The following NCKAP5 variants were observed in gnomAD, a reference collection of about 807,000 sequenced individuals.
NCKAP5 encodes nck-associated protein 5.
NCKAP5 carries 92 observed loss-of-function variants against 167.0 expected under a neutral mutation model. The ratio of observed to expected loss-of-function variants is 0.55; its 90% confidence interval spans 0.47 to 0.66. NCKAP5 has a LOEUF of 0.66. Among genes scored for constraint, NCKAP5 ranks in the 30% least tolerant of loss-of-function variants. NCKAP5 has a pLI of 0.00. For missense variants in NCKAP5, 2,378 were observed against 2,315.0 expected, an observed-to-expected ratio of 1.03 and a Z score of -0.56; for synonymous variants, 891 against 877.4, an observed-to-expected ratio of 1.02 and a Z score of -0.27.
the NCKAP5 span, among the ~76,000 whole-genome samples, chr2:133,641,933 G>A: frequency 2.0e-5 from 3 of 152,134 alleles, no homozygotes; most frequent in African/African-American, 7.2e-5. Flanking sequence ...TTTATTTCAT[G>A]TTCCTATAGA....
chr2:132,967,449 G>A (rs1041141074), intron 7 of NCKAP5, among the ~76,000 whole-genome samples: 4 of 152,098 alleles, frequency 2.6e-5, no homozygotes, highest in South Asian at 2.1e-4. Context: ...GCATAGGGTC[G>A]GTGTTTGGTG....
intron 3 of NCKAP5, among the ~76,000 whole-genome samples, chr2:133,329,531 G>A (rs1460600960): frequency 6.6e-6 from 1 of 152,116 alleles, no homozygotes; most frequent in Non-Finnish European, 1.5e-5. Flanking sequence ...AAAAGTGGGG[G>A]GTATTGAAAG....
chr2:132,920,775 A>ATATATATG (rs1695343537), intron 8 of NCKAP5, among the ~76,000 whole-genome samples: 3 of 6,240 alleles, frequency 4.8e-4, no homozygotes, highest in East Asian at 0.01. Flanking sequence ...ATGTATGTAT[A>ATATATATG]TATATATATA....
chr2:132,701,091 T>C (rs1214338696), intron 19 of NCKAP5, among the ~76,000 whole-genome samples: 1 of 152,092 alleles, frequency 6.6e-6, no homozygotes, highest in African/African-American at 2.4e-5. Context: ...TATATAAATA[T>C]AATATATACA....
At chr2:132,793,645 TG>T (rs1433317397) in intron 12 of NCKAP5, among the ~76,000 whole-genome samples, 3 of 152,226 alleles carry the variant, frequency 2.0e-5, no homozygotes, top group African/African-American at 7.2e-5. Flanking sequence ...CAGCACGTTG[TG>T]GTACCTCACT....
chr2:132,732,111 A>G (rs185056709), intron 16 of NCKAP5, 60 bp from the exon 17 acceptor site: 2 of 1,450,492 alleles, frequency 1.4e-6, no homozygotes, highest in East Asian at 2.4e-5. Flanking sequence ...AGGATAAAAG[A>G]ATCATGGAAA....
chr2:133,547,229 G>A (rs997669974), intron 2 of NCKAP5, among the ~76,000 whole-genome samples: 2 of 152,150 alleles, frequency 1.3e-5, no homozygotes, highest in Non-Finnish European at 2.9e-5. Context: ...AGGGTCCTAC[G>A]CCCACGGAGT....
intron 6 of NCKAP5, among the ~76,000 whole-genome samples, chr2:133,036,583 A>G (rs2079048425): frequency 6.6e-6 from 1 of 152,094 alleles, no homozygotes; most frequent in African/African-American, 2.4e-5. Flanking sequence ...GATCATTTCA[A>G]TTGATGCTGA....
At chr2:132,820,413 A>G (rs532700040) in intron 11 of NCKAP5, among the ~76,000 whole-genome samples, 33 of 152,078 alleles carry the variant, frequency 2.2e-4, no homozygotes, top group South Asian at 1.9e-3. Flanking sequence ...TATTTTTAGT[A>G]GAGACGGGGT....
intron 6 of NCKAP5, among the ~76,000 whole-genome samples, chr2:133,028,453 A>G (rs1468712493): frequency 6.6e-6 from 1 of 152,100 alleles, no homozygotes. Flanking sequence ...CTTGTATGCC[A>G]CTGTTATTGC....
chr2:132,940,595 T>C (rs1376388571), intron 8 of NCKAP5, among the ~76,000 whole-genome samples: 1 of 152,124 alleles, frequency 6.6e-6, no homozygotes, highest in Non-Finnish European at 1.5e-5. Flanking sequence ...GGTAGTAAAA[T>C]GACTTATGAT....
chr2:132,768,267 C>T (rs1681694952), intron 16 of NCKAP5, among the ~76,000 whole-genome samples: 1 of 152,180 alleles, frequency 6.6e-6, no homozygotes, highest in East Asian at 1.9e-4. Context: ...CCTCGAAGGA[C>T]ATTTTCTCCT....
At chr2:132,750,826 T>C (rs1169464010) in intron 16 of NCKAP5, among the ~76,000 whole-genome samples, 1 of 152,126 alleles carries the variant, frequency 6.6e-6, no homozygotes, top group Non-Finnish European at 1.5e-5. Context: ...CTCAAGCAAG[T>C]CACAGGACAC....
chr2:133,633,196 A>G, the NCKAP5 span, among the ~76,000 whole-genome samples: 1 of 152,212 alleles, frequency 6.6e-6, no homozygotes, highest in African/African-American at 2.4e-5. Flanking sequence ...AACTCTGCCT[A>G]CTTTGCAGCC....
At chr2:132,684,864 C>A (rs1316652548) in intron 19 of NCKAP5, among the ~76,000 whole-genome samples, 1 of 152,164 alleles carries the variant, frequency 6.6e-6, no homozygotes, top group Non-Finnish European at 1.5e-5. Context: ...AAAAAAAGTT[C>A]TTCCAATCTC....
At chr2:132,906,956 G>A (rs976752672) in intron 8 of NCKAP5, among the ~76,000 whole-genome samples, 1 of 152,162 alleles carries the variant, frequency 6.6e-6, no homozygotes, top group African/African-American at 2.4e-5. Context: ...TTACTTGAAT[G>A]ATTTACTGTT....
intron 19 of NCKAP5, among the ~76,000 whole-genome samples, chr2:132,704,021 A>C (rs1688120384): frequency 6.6e-6 from 1 of 151,990 alleles, no homozygotes; most frequent in South Asian, 2.1e-4. Context: ...GCCATCTCTT[A>C]CCCTTCTCCT....
chr2:132,849,471 A>G (rs998463465), intron 11 of NCKAP5, among the ~76,000 whole-genome samples: 1 of 152,162 alleles, frequency 6.6e-6, no homozygotes, highest in Non-Finnish European at 1.5e-5. Context: ...CTGATTTAAT[A>G]CAGTATATTT....
chr2:132,913,081 T>C (rs143907772), intron 8 of NCKAP5, among the ~76,000 whole-genome samples: 278 of 152,088 alleles, frequency 1.8e-3, no homozygotes, highest in African/African-American at 6.0e-3. Context: ...TTTGTCTCAA[T>C]AAATTATTCA....
Sources: allele counts gnomAD v4.1 joint callset (sites outside exome capture counted in the v4.1 genomes callset), GRCh38; gene constraint gnomAD v4.1.1; transcripts MANE v1.5; gene names NCBI Gene and HGNC (gene_info 2026-07-23, HGNC 2026-07-21).